ZNF407: variants seen among roughly 807,000 people sequenced by gnomAD.
ZNF407 encodes zinc finger protein 407.
ZNF407 carries 17 observed loss-of-function variants against 131.2 expected under a neutral mutation model. The observed-to-expected ratio is 0.13, with a 90% CI of 0.09 to 0.19. The LOEUF (loss-of-function observed/expected upper bound fraction) is 0.19. Ranked by LOEUF, ZNF407 falls within the 10% of genes least tolerant of loss-of-function variation. ZNF407 has a pLI of 1.00. For missense variants in ZNF407, 2,681 were observed against 2,830.6 expected (o/e 0.95, Z 1.20); for synonymous variants, 1,156 against 1,062.0 (o/e 1.09, Z -1.72).
At chr18:74,691,933 A>C (rs1387763402) in intron 3 of ZNF407, among the ~76,000 whole-genome samples, 1 of 152,128 alleles carries the variant, frequency 6.6e-6, no homozygotes, top group Non-Finnish European at 1.5e-5. Flanking sequence ...GTCTCTATAA[A>C]AAATAGAAAA....
At chr18:74,682,353 A>G (rs142567978) in intron 3 of ZNF407, among the ~76,000 whole-genome samples, 1 of 152,212 alleles carries the variant, frequency 6.6e-6, no homozygotes, top group Non-Finnish European at 1.5e-5. Context: ...GTGGGTTTCA[A>G]CAGAGCGGGG....
chr18:74,870,287 A>G (rs980441735), intron 4 of ZNF407, among the ~76,000 whole-genome samples: 4 of 152,142 alleles, frequency 2.6e-5, no homozygotes, highest in African/African-American at 9.7e-5. Context: ...AGTGAGGTTA[A>G]TTTTCTTTTC....
At chr18:74,598,618 A>C (rs1035511042) in intron 1 of ZNF407, 1 of 152,316 alleles carries the variant, frequency 6.6e-6, no homozygotes, top group Non-Finnish European at 1.5e-5. Context: ...GAGGGCACAC[A>C]AGTGCGGTGG....
At chr18:74,888,291 A>C (rs1971338050) in intron 6 of ZNF407, among the ~76,000 whole-genome samples, 1 of 152,144 alleles carries the variant, frequency 6.6e-6, no homozygotes, top group Non-Finnish European at 1.5e-5. Flanking sequence ...TGTTTGATAC[A>C]AGTATAATGT....
intron 1 of ZNF407, among the ~76,000 whole-genome samples, chr18:74,602,148 C>T (rs1982611940): frequency 6.6e-6 from 1 of 152,134 alleles, no homozygotes; most frequent in Non-Finnish European, 1.5e-5. Flanking sequence ...GATTATCTTG[C>T]AATTCCAACT....
chr18:75,026,867 AT>A (rs1324629380), intron 8 of ZNF407, among the ~76,000 whole-genome samples: 4 of 152,230 alleles, frequency 2.6e-5, no homozygotes, highest in Non-Finnish European at 4.4e-5. Flanking sequence ...TGGTTCATCC[AT>A]TAACTCAACA....
chr18:74,921,164 T>TG, intron 8 of ZNF407: 1 of 370,460 alleles, frequency 2.7e-6, no homozygotes, highest in African/African-American at 2.2e-5. Context: ...GTAACGGTGC[T>TG]GTGCGTTTCC....
intron 6 of ZNF407, among the ~76,000 whole-genome samples, chr18:74,889,448 T>C (rs1238129278): frequency 6.6e-6 from 1 of 152,232 alleles, no homozygotes; most frequent in Non-Finnish European, 1.5e-5. Context: ...TGACACTTTT[T>C]AAGGTGGTGC....
chr18:74,974,928 T>C (rs1972511597), intron 8 of ZNF407, among the ~76,000 whole-genome samples: 1 of 152,348 alleles, frequency 6.6e-6, no homozygotes, highest in Non-Finnish European at 1.5e-5. Flanking sequence ...TAGTTTCAAA[T>C]GAAAATATTA....
At chr18:74,755,827 C>T (rs1968940938) in intron 3 of ZNF407, among the ~76,000 whole-genome samples, 1 of 130,006 alleles carries the variant, frequency 7.7e-6, no homozygotes, top group African/African-American at 3.0e-5. Context: ...TTCCTCCCTC[C>T]CTCCCTTCCC....
At chr18:74,977,825 C>G (rs757674866) in intron 8 of ZNF407, among the ~76,000 whole-genome samples, 12 of 152,232 alleles carry the variant, frequency 7.9e-5, no homozygotes, top group Admixed American at 6.5e-5. Flanking sequence ...ACTTCTGGAT[C>G]CATGACTCTT....
At chr18:74,658,407 C>T (rs1029420605) in intron 3 of ZNF407, among the ~76,000 whole-genome samples, 2 of 152,244 alleles carry the variant, frequency 1.3e-5, no homozygotes, top group South Asian at 4.1e-4. Context: ...TGTGCCACCG[C>T]GCCTGGCCTT....
At chr18:74,970,289 C>T (rs1972458014) in intron 8 of ZNF407, among the ~76,000 whole-genome samples, 1 of 152,130 alleles carries the variant, frequency 6.6e-6, no homozygotes, top group African/African-American at 2.4e-5. Context: ...ATCTCATGTC[C>T]TCACATTTCA....
At chr18:74,757,544 A>T (rs1347763357) in intron 3 of ZNF407, among the ~76,000 whole-genome samples, 1 of 152,122 alleles carries the variant, frequency 6.6e-6, no homozygotes, top group Non-Finnish European at 1.5e-5. Context: ...ATCTCTATAG[A>T]TGTCCTGATG....
chr18:75,017,895 G>A (rs563398779), intron 8 of ZNF407, among the ~76,000 whole-genome samples: 6 of 152,194 alleles, frequency 3.9e-5, no homozygotes, highest in South Asian at 2.1e-4. Context: ...TGCCCCATGT[G>A]GCAGCTGAGC....
chr18:74,728,675 C>T (rs1286357611), intron 3 of ZNF407, among the ~76,000 whole-genome samples: 4 of 152,044 alleles, frequency 2.6e-5, no homozygotes, highest in African/African-American at 4.8e-5. Context: ...GAGGAAGGTG[C>T]GACCTGAAAG....
At chr18:74,859,091 T>C (rs1406391944) in intron 4 of ZNF407, among the ~76,000 whole-genome samples, 1 of 152,166 alleles carries the variant, frequency 6.6e-6, no homozygotes, top group Admixed American at 6.5e-5. Flanking sequence ...TGGTACATAA[T>C]AAAATAAAAG....
chr18:75,064,328 G>A lies in ZNF407; in HGVS notation c.6607G>A (p.Gly2203Arg), dbSNP rs376447309. 2.7e-5 allele frequency: 43 copies of A among 1,595,584 alleles called. No individual in the cohort carries two copies. The highest frequency in any genetic ancestry group is 5.4e-5 in the African/African-American group (4 of 74,598). Residue 2203 changes from glycine (G) to arginine (R), a missense_variant, in exon 9 of 9, where the codon GGG becomes AGG. By Grantham distance (125) the Gly-to-Arg change is moderately radical. Around this residue, in one of 6 missense-constraint regions of ZNF407, gnomAD observed 620 missense variants for 583.1 expected, o/e 1.06. Transcript: ENST00000299687. ...GGACTCGCAGGAACTCCTGCAGGCC[G>A]GGGCCACGCTAGGCACAGAGGCCGG... Reference protein sequence around the residue: ...TADSQELLQAGATLGTEAGAP... With the variant: ...TADSQELLQARATLGTEAGAP...
At chr18:74,833,404 G>A (rs1970511905) in intron 4 of ZNF407, among the ~76,000 whole-genome samples, 1 of 152,218 alleles carries the variant, frequency 6.6e-6, no homozygotes, top group African/African-American at 2.4e-5. Context: ...AAATGACATG[G>A]TGCTGGAGGT....
Sources: gnomAD v4.1 joint callset for allele counts (sites outside exome capture counted in the v4.1 genomes callset) on GRCh38, gnomAD v4.1.1 for gene constraint, gnomAD v4.1.1 regional missense constraint, MANE v1.5 for transcripts, NCBI Gene and HGNC (gene_info 2026-07-23, HGNC 2026-07-21) for gene names.